The following PBX3 variants were observed in gnomAD, a reference collection of about 807,000 sequenced individuals.
The protein encoded by PBX3 is pre-B-cell leukemia transcription factor 3.
PBX3 carries 14 observed loss-of-function variants against 48.5 expected under a neutral mutation model. The observed-to-expected ratio is 0.29, with a 90% CI of 0.19 to 0.45. PBX3 has a LOEUF of 0.45. Ranked by LOEUF, PBX3 falls within the 20% of genes least tolerant of loss-of-function variation. PBX3 has a pLI of 1.00. For synonymous variants in PBX3, 210 were observed against 200.3 expected (o/e 1.05, Z -0.41); for missense variants, 386 against 546.7 (o/e 0.71, Z 2.93).
chr9:125,832,188 G>A (rs1838979964), intron 2 of PBX3, among the ~76,000 whole-genome samples: 1 of 142,856 alleles, frequency 7.0e-6, no homozygotes, highest in South Asian at 2.3e-4. Context: ...ATATATACTG[G>A]TTTTCTTTTC....
chr9:125,881,776 G>A (rs1840387457), intron 2 of PBX3, among the ~76,000 whole-genome samples: 1 of 151,980 alleles, frequency 6.6e-6, no homozygotes, highest in Non-Finnish European at 1.5e-5. Flanking sequence ...TTACTTAGAT[G>A]TATAGAAATC....
chr9:125,856,425 C>T (rs974852723), intron 2 of PBX3, among the ~76,000 whole-genome samples: 1 of 152,026 alleles, frequency 6.6e-6, no homozygotes, highest in African/African-American at 2.4e-5. Flanking sequence ...AGCACCAGCC[C>T]AATTAATAAT....
At chr9:125,805,452 A>G (rs1838098894) in intron 2 of PBX3, among the ~76,000 whole-genome samples, 1 of 152,156 alleles carries the variant, frequency 6.6e-6, no homozygotes, top group South Asian at 2.1e-4. Context: ...CTCATTTTTT[A>G]AAAAGATGAT....
chr9:125,962,240 T>C, intron 7 of PBX3, 26 bp downstream of exon 7: 1 of 1,327,818 alleles, frequency 7.5e-7, no homozygotes. Flanking sequence ...CAGTGGGGCC[T>C]TTCTAGCAGG....
chr9:125,782,424 A>G (rs1479105132), intron 2 of PBX3, among the ~76,000 whole-genome samples: 1 of 152,078 alleles, frequency 6.6e-6, no homozygotes, highest in Non-Finnish European at 1.5e-5. Flanking sequence ...GGTTTTGCCC[A>G]CCTAGTTTCA....
chr9:125,857,428 G>A (rs921384614), intron 2 of PBX3, among the ~76,000 whole-genome samples: 2 of 152,056 alleles, frequency 1.3e-5, no homozygotes, highest in Non-Finnish European at 2.9e-5. Context: ...TATTCAGGAT[G>A]CAGATAAGTC....
chr9:125,954,628 C>T (rs528516000), intron 5 of PBX3, among the ~76,000 whole-genome samples: 34 of 152,262 alleles, frequency 2.2e-4, no homozygotes, highest in African/African-American at 4.6e-4. Context: ...CTCTGCCTCC[C>T]GGGTTCAAGC....
At chr9:125,926,356 C>G (rs958826212) in intron 3 of PBX3, among the ~76,000 whole-genome samples, 1 of 151,574 alleles carries the variant, frequency 6.6e-6, no homozygotes, top group Non-Finnish European at 1.5e-5. Context: ...CTTGTCTCTA[C>G]TAAAAATACA....
chr9:125,869,671 A>G (rs1420799746), intron 2 of PBX3, among the ~76,000 whole-genome samples: 1 of 152,202 alleles, frequency 6.6e-6, no homozygotes, highest in Non-Finnish European at 1.5e-5. Context: ...TACCTGGAGC[A>G]TGGGCAAAAT....
At chr9:125,915,627 C>T (rs1311742927) in intron 2 of PBX3, 59 bp from the exon 3 acceptor site, 2 of 1,310,428 alleles carry the variant, frequency 1.5e-6, no homozygotes, top group Non-Finnish European at 2.1e-6. Context: ...AATACTCACA[C>T]TATTTGTCCT....
At chr9:125,786,670 G>A (rs910212489) in intron 2 of PBX3, among the ~76,000 whole-genome samples, 5 of 151,974 alleles carry the variant, frequency 3.3e-5, no homozygotes, top group African/African-American at 7.2e-5. Context: ...AGTAGATGTC[G>A]GGACATTTCG....
intron 2 of PBX3, among the ~76,000 whole-genome samples, chr9:125,799,981 G>GT (rs1467010348): frequency 6.6e-6 from 1 of 152,134 alleles, no homozygotes; most frequent in Non-Finnish European, 1.5e-5. Flanking sequence ...GGACTGCATT[G>GT]TTTCAGCAAT....
intron 6 of PBX3, 32 bp from the exon 7 acceptor site, chr9:125,962,070 G>C (rs774488154): frequency 1.8e-6 from 2 of 1,090,962 alleles, no homozygotes; most frequent in Non-Finnish European, 2.8e-6. Flanking sequence ...GTAGCTCTCT[G>C]TTATTCAGCT....
chr9:125,814,359 G>T (rs1838395893), intron 2 of PBX3, among the ~76,000 whole-genome samples: 1 of 151,162 alleles, frequency 6.6e-6, no homozygotes, highest in African/African-American at 2.4e-5. Flanking sequence ...TTTTGGAATG[G>T]TACAATGCCA....
intron 2 of PBX3, among the ~76,000 whole-genome samples, chr9:125,914,016 C>A (rs1248714954): frequency 1.3e-5 from 2 of 152,088 alleles, no homozygotes; most frequent in African/African-American, 2.4e-5. Context: ...TAACATTTAA[C>A]ACAGTGAATT....
chr9:125,878,272 G>T (rs1040154459), intron 2 of PBX3, among the ~76,000 whole-genome samples: 1 of 152,182 alleles, frequency 6.6e-6, no homozygotes, highest in Non-Finnish European at 1.5e-5. Context: ...ACAGCTTGGA[G>T]GGGGGTAAGA....
chr9:125,888,106 T>C (rs1284127620), intron 2 of PBX3, among the ~76,000 whole-genome samples: 1 of 152,194 alleles, frequency 6.6e-6, no homozygotes, highest in Non-Finnish European at 1.5e-5. Flanking sequence ...TATGTGCATT[T>C]AGACGTAAAA....
intron 5 of PBX3, among the ~76,000 whole-genome samples, chr9:125,948,715 T>TGC (rs72250264): frequency 3.3e-5 from 5 of 150,912 alleles, no homozygotes; most frequent in African/African-American, 1.2e-4. Context: ...CGTGTGTGTG[T>TGC]GTGTGTATAT....
In PBX3 at chr9:125,871,380, C is replaced by CAA. The variant is rs34035290; in HGVS notation, c.275-44291_275-44290dup. On this transcript the variant is annotated intron_variant, in intron 2 of 8. Transcript: ENST00000373489. ...TGGGTGACAGTGCAAGACTCCGTCT[C>CAA]AAAAAAAAAAAAAAAATCTAAAAAA... 8.6e-3 allele frequency among the ~76,000 whole-genome samples: 1,095 copies of CAA among 127,462 alleles called. 11 individuals carry two copies. The highest frequency in any genetic ancestry group is 0.022 in the African/African-American group (704 of 31,876). 83.6% of individuals were successfully genotyped at this position (127,462 alleles called of 152,430 possible).
Sources: allele counts gnomAD v4.1 joint callset (sites outside exome capture counted in the v4.1 genomes callset), GRCh38; gene constraint gnomAD v4.1.1; transcripts MANE v1.5; gene names NCBI Gene and HGNC (gene_info 2026-07-23, HGNC 2026-07-21).